The following LCOR variants were observed in gnomAD, a reference collection of about 807,000 sequenced individuals.
LCOR encodes ligand-dependent corepressor.
Under a neutral mutation model 64.4 loss-of-function variants are expected in LCOR, and 14 were observed. The observed-to-expected ratio is 0.22, with a 90% CI of 0.14 to 0.34. The LOEUF (loss-of-function observed/expected upper bound fraction) is 0.34, where lower values mean the gene tolerates loss of function less well. LCOR is among the 10% of genes least tolerant of loss of function. The pLI is 1.00. For missense variants in LCOR, 1,686 were observed against 1,765.3 expected (o/e 0.96, Z 0.80); for synonymous variants, 643 against 642.5 (o/e 1.00, Z -0.01).
chr10:96,970,567 G>A (rs1172772580), intron 7 of LCOR, among the ~76,000 whole-genome samples: 1 of 151,332 alleles, frequency 6.6e-6, no homozygotes, highest in Non-Finnish European at 1.5e-5. Flanking sequence ...ACCAGCTACA[G>A]CCTATTAATG....
chr10:96,979,861 C>T (rs994736158), intron 7 of LCOR, among the ~76,000 whole-genome samples: 1 of 152,344 alleles, frequency 6.6e-6, no homozygotes, highest in African/African-American at 2.4e-5. Flanking sequence ...GTTAAGTTCT[C>T]AGCCGAGTGC....
Position 96,992,090 on chromosome 10 carries a change from C to A in LCOR, c.*6956C>A, listed in dbSNP as rs891487407. The stretch of plus-strand genomic sequence containing the variant: ...ATTTTTGGGAAAGAGACTATACCAA[C>A]AAGATTTGCATAATTTTTTATATTT... On this transcript the variant is annotated 3_prime_UTR_variant, in exon 8 of 8. Transcript: ENST00000421806. The A allele has an allele frequency of 6.6e-6, 1 of 152,090 alleles. No homozygotes were observed. The highest frequency in any genetic ancestry group is 6.6e-5 in the Admixed American group (1 of 15,266). 9.4% of individuals were successfully genotyped at this position (152,090 alleles called of 1,614,324 possible). A position where few individuals can be genotyped will look rare whatever the true frequency, so the allele number is the denominator to read the frequency against.
At chr10:96,843,461 G>A (rs1845575857) in intron 2 of LCOR, among the ~76,000 whole-genome samples, 1 of 152,066 alleles carries the variant, frequency 6.6e-6, no homozygotes, top group Non-Finnish European at 1.5e-5. Context: ...TTGTTTGTAG[G>A]TATTTACCCT....
chr10:96,948,074 A>G (rs900928370), intron 5 of LCOR, among the ~76,000 whole-genome samples: 2 of 152,170 alleles, frequency 1.3e-5, no homozygotes, highest in Non-Finnish European at 2.9e-5. Flanking sequence ...ATGATAATAT[A>G]TTTATACAAG....
intron 2 of LCOR, among the ~76,000 whole-genome samples, chr10:96,839,870 G>A (rs1457571252): frequency 6.6e-6 from 1 of 151,968 alleles, no homozygotes; most frequent in African/African-American, 2.4e-5. Flanking sequence ...GTAGTTTTAG[G>A]AAAGACAGGG....
chr10:96,888,675 TTTAAA>T (rs1846388464), intron 2 of LCOR, among the ~76,000 whole-genome samples: 1 of 152,192 alleles, frequency 6.6e-6, no homozygotes, highest in Admixed American at 6.5e-5. Flanking sequence ...AATTTTATTT[TTTAAA>T]TTAAGTTGTA....
chr10:96,984,196 A>G lies in LCOR; in HGVS notation c.3736A>G (p.Thr1246Ala). 6.2e-7 allele frequency: 1 copy of G among 1,614,070 alleles called. No homozygotes were observed. Among genetic ancestry groups the G allele is most frequent in the East Asian group, 2.2e-5 (1 of 44,878 alleles). Reference sequence around the variant, plus strand: ...GCACTTGAAGAAATTTCCTGGAGCTACCCCTGCTAAGAATAATTGGAAAAT... The same window carrying G: ...GCACTTGAAGAAATTTCCTGGAGCTGCCCCTGCTAAGAATAATTGGAAAAT... ...KKHLKKFPGA[T>A]PAKNNWKMQK... Residue 1246 changes from threonine (T) to alanine (A), a missense_variant, in exon 8 of 8, where the codon ACC becomes GCC. By Grantham distance (58) the Thr-to-Ala change is moderately conservative (BLOSUM62 0). Coordinates refer to ENST00000421806, the MANE Select transcript of LCOR (RefSeq NM_001346516.2).
At chr10:96,954,741 GAT>G (rs1491168568) in intron 7 of LCOR, among the ~76,000 whole-genome samples, 3 of 151,838 alleles carry the variant, frequency 2.0e-5, no homozygotes, top group African/African-American at 7.3e-5. Flanking sequence ...AAAAGCTCCT[GAT>G]TTTTTTTCTT....
intron 2 of LCOR, among the ~76,000 whole-genome samples, chr10:96,856,429 C>T (rs1000313558): frequency 6.6e-6 from 1 of 151,648 alleles, no homozygotes; most frequent in African/African-American, 2.4e-5. Flanking sequence ...TCTCTTCCCT[C>T]CCTTCCTTTC....
intron 2 of LCOR, among the ~76,000 whole-genome samples, chr10:96,849,821 G>A (rs1845695724): frequency 6.7e-6 from 1 of 149,430 alleles, no homozygotes; most frequent in African/African-American, 2.5e-5. Flanking sequence ...TCCCCATGAT[G>A]CCCCATGATG....
chr10:96,871,378 A>G (rs1009857384), intron 2 of LCOR, among the ~76,000 whole-genome samples: 10 of 151,342 alleles, frequency 6.6e-5, no homozygotes, highest in African/African-American at 2.4e-4. Context: ...TTTCCTAAAG[A>G]ATCAGAGTAG....
At chr10:96,965,244 C>T (rs1351785681) in intron 7 of LCOR, among the ~76,000 whole-genome samples, 1 of 151,438 alleles carries the variant, frequency 6.6e-6, no homozygotes, top group Non-Finnish European at 1.5e-5. Flanking sequence ...CGCCTGACCT[C>T]GTGATACACC....
chr10:96,856,620 C>G (rs1199394103), intron 2 of LCOR, among the ~76,000 whole-genome samples: 1 of 152,022 alleles, frequency 6.6e-6, no homozygotes, highest in Non-Finnish European at 1.5e-5. Flanking sequence ...ACACCACAGG[C>G]ATGTACCATC....
chr10:96,936,454 G>GT (rs1413946117), intron 4 of LCOR, among the ~76,000 whole-genome samples: 3 of 152,064 alleles, frequency 2.0e-5, no homozygotes, highest in Admixed American at 6.5e-5. Flanking sequence ...CCAAAAACTG[G>GT]TTTTTTTAAA....
At chr10:96,928,698 A>T (rs1847208277) in intron 4 of LCOR, among the ~76,000 whole-genome samples, 1 of 152,292 alleles carries the variant, frequency 6.6e-6, no homozygotes, top group South Asian at 2.1e-4. Flanking sequence ...TCTTTTCCGG[A>T]AAGTTTTTAA....
chr10:96,900,327 C>A (rs979232152), intron 2 of LCOR, among the ~76,000 whole-genome samples: 1 of 151,816 alleles, frequency 6.6e-6, no homozygotes, highest in Non-Finnish European at 1.5e-5. Flanking sequence ...AATTTTAGTT[C>A]TTTTAAGTCA....
intron 2 of LCOR, among the ~76,000 whole-genome samples, chr10:96,844,294 G>A (rs1443498508): frequency 2.6e-5 from 4 of 151,576 alleles, no homozygotes; most frequent in African/African-American, 4.8e-5. Flanking sequence ...GGGACTATGG[G>A]TATACTCCAT....
At chr10:96,895,113 AT>A (rs1161807881) in intron 2 of LCOR, among the ~76,000 whole-genome samples, 4 of 152,140 alleles carry the variant, frequency 2.6e-5, no homozygotes, top group Non-Finnish European at 5.9e-5. Flanking sequence ...TCCCAATTTT[AT>A]ATTGCCCCAT....
intron 2 of LCOR, among the ~76,000 whole-genome samples, chr10:96,856,735 C>G (rs1845811256): frequency 6.6e-6 from 1 of 151,932 alleles, no homozygotes; most frequent in South Asian, 2.1e-4. Context: ...CCTTGGCCTC[C>G]CAAAGTGCTG....
Sources: gnomAD v4.1 joint callset for allele counts (sites outside exome capture counted in the v4.1 genomes callset) on GRCh38, gnomAD v4.1.1 for gene constraint, MANE v1.5 for transcripts, NCBI Gene and HGNC (gene_info 2026-07-23, HGNC 2026-07-21) for gene names.